The following LINGO2 variants were observed in gnomAD, a reference collection of about 807,000 sequenced individuals.
LINGO2 encodes the protein leucine rich repeat and Ig domain containing 2.
LINGO2 carries 14 observed loss-of-function variants against 30.6 expected under a neutral mutation model. The ratio of observed to expected loss-of-function variants is 0.46; its 90% CI spans 0.30 to 0.72. The LOEUF is 0.72. LINGO2 is among the 30% of genes least tolerant of loss of function. The pLI, the probability that LINGO2 is intolerant of heterozygous loss-of-function variation, is 0.07. For synonymous variants in LINGO2, 317 were observed against 288.5 expected (o/e 1.10, Z -1.00); for missense variants, 729 against 751.7 (o/e 0.97, Z 0.35).
the LINGO2 span, among the ~76,000 whole-genome samples, chr9:28,954,358 T>C: frequency 6.6e-6 from 1 of 152,210 alleles, no homozygotes; most frequent in Admixed American, 6.6e-5. Context: ...ATGTGCTTTA[T>C]GCATACTTCA....
chr9:29,059,088 T>G, the LINGO2 span, among the ~76,000 whole-genome samples: 1 of 151,686 alleles, frequency 6.6e-6, no homozygotes, highest in Non-Finnish European at 1.5e-5. Flanking sequence ...ACAAAACATA[T>G]GAGAGATTTA....
intron 1 of LINGO2, among the ~76,000 whole-genome samples, chr9:28,661,212 T>C (rs1828570650): frequency 6.6e-6 from 1 of 152,172 alleles, no homozygotes; most frequent in Admixed American, 6.5e-5. Context: ...TACTATTCTT[T>C]GTCTTGAAAT....
the LINGO2 span, among the ~76,000 whole-genome samples, chr9:29,001,694 A>G: frequency 6.6e-6 from 1 of 152,028 alleles, no homozygotes; most frequent in East Asian, 1.9e-4. Flanking sequence ...ATCCACAGCA[A>G]TTATTCATGA....
chr9:29,163,200 G>A, the LINGO2 span, among the ~76,000 whole-genome samples: 1 of 152,124 alleles, frequency 6.6e-6, no homozygotes, highest in Non-Finnish European at 1.5e-5. Context: ...GAAAACTGCT[G>A]AGGATGTAGC....
At chr9:29,109,452 TA>T in the LINGO2 span, among the ~76,000 whole-genome samples, 30 of 152,316 alleles carry the variant, frequency 2.0e-4, no homozygotes, top group Admixed American at 8.5e-4. Flanking sequence ...CAAACTGAAT[TA>T]TATTAGATCC....
the LINGO2 span, among the ~76,000 whole-genome samples, chr9:29,098,978 T>C: frequency 6.6e-6 from 1 of 152,228 alleles, no homozygotes; most frequent in African/African-American, 2.4e-5. Context: ...TGACTTCCAA[T>C]TATACTTCAG....
chr9:29,123,433 G>A, the LINGO2 span, among the ~76,000 whole-genome samples: 1 of 151,932 alleles, frequency 6.6e-6, no homozygotes, highest in Non-Finnish European at 1.5e-5. Flanking sequence ...TATTTCAAAT[G>A]TAACTTCCAG....
the LINGO2 span, among the ~76,000 whole-genome samples, chr9:28,749,012 C>T: frequency 6.6e-6 from 1 of 151,864 alleles, no homozygotes; most frequent in Non-Finnish European, 1.5e-5. Context: ...CTATTTTTGA[C>T]TTATATTCTA....
chr9:29,021,472 A>C, the LINGO2 span, among the ~76,000 whole-genome samples: 1 of 152,086 alleles, frequency 6.6e-6, no homozygotes, highest in African/African-American at 2.4e-5. Context: ...CCTGGCCAAC[A>C]TAGTGAAACC....
At chr9:28,723,744 T>G in the LINGO2 span, among the ~76,000 whole-genome samples, 1 of 152,080 alleles carries the variant, frequency 6.6e-6, no homozygotes, top group Non-Finnish European at 1.5e-5. Flanking sequence ...GATCAGCCAC[T>G]CTTAAGATGT....
intron 1 of LINGO2, among the ~76,000 whole-genome samples, chr9:28,477,060 GTAGAAACTATTC>G (rs1401304184): frequency 6.6e-6 from 1 of 152,110 alleles, no homozygotes; most frequent in African/African-American, 2.4e-5. Flanking sequence ...GCAGAAAACA[GTAGAAACTATTC>G]TAGGATCATT....
intron 4 of LINGO2, among the ~76,000 whole-genome samples, chr9:28,235,723 T>C (rs776658148): frequency 2.6e-5 from 4 of 152,116 alleles, no homozygotes; most frequent in African/African-American, 7.2e-5. Flanking sequence ...AGTTTCTTAA[T>C]AGCAGAAATG....
intron 1 of LINGO2, among the ~76,000 whole-genome samples, chr9:28,586,814 T>C (rs561955551): frequency 6.6e-6 from 1 of 151,936 alleles, no homozygotes; most frequent in Non-Finnish European, 1.5e-5. Flanking sequence ...TCTGCCCTAG[T>C]CCTAGACCCC....
upstream of LINGO2, among the ~76,000 whole-genome samples, chr9:28,674,738 A>G (rs1829151839): frequency 6.6e-6 from 1 of 152,180 alleles, no homozygotes; most frequent in African/African-American, 2.4e-5. Context: ...GAGCATTAAC[A>G]CACGGGACAA....
At chr9:28,844,420 A>G in the LINGO2 span, among the ~76,000 whole-genome samples, 21 of 152,056 alleles carry the variant, frequency 1.4e-4, no homozygotes, top group Admixed American at 1.2e-3. Flanking sequence ...ATGTAATCCA[A>G]TATGAGCACA....
At chr9:28,632,647 C>A in intron 1 of LINGO2, among the ~76,000 whole-genome samples, 1 of 115,368 alleles carries the variant, frequency 8.7e-6, no homozygotes. Context: ...TATATATTTA[C>A]ATAGATATTT....
chr9:28,056,451 G>T (rs1824945527), intron 4 of LINGO2, among the ~76,000 whole-genome samples: 1 of 151,934 alleles, frequency 6.6e-6, no homozygotes, highest in Non-Finnish European at 1.5e-5. Flanking sequence ...TCTTTCCATG[G>T]GAAAACTAGT....
intron 2 of LINGO2, among the ~76,000 whole-genome samples, chr9:28,388,884 C>G (rs1463976154): frequency 2.7e-5 from 4 of 149,314 alleles, no homozygotes; most frequent in African/African-American, 9.8e-5. Flanking sequence ...AGGGTTTTCT[C>G]TCTTTCTCTC....
At chr9:28,290,475 G>T (rs915622303) in intron 4 of LINGO2, among the ~76,000 whole-genome samples, 1 of 152,154 alleles carries the variant, frequency 6.6e-6, no homozygotes, top group Admixed American at 6.6e-5. Context: ...ACTCAGTCTA[G>T]GTCCTTCTGC....
Sources: gnomAD v4.1 joint callset for allele counts (sites outside exome capture counted in the v4.1 genomes callset) on GRCh38, gnomAD v4.1.1 for gene constraint, MANE v1.5 for transcripts, NCBI Gene and HGNC (gene_info 2026-07-23, HGNC 2026-07-21) for gene names.